The following OCIAD1 variants were observed in gnomAD, a reference collection of about 807,000 sequenced individuals.
The protein encoded by OCIAD1 is OCIA domain-containing protein 1.
A neutral mutation model predicts 38.9 loss-of-function variants in OCIAD1; 29 were observed. That is an observed-to-expected ratio of 0.74 (90% CI 0.55 to 1.02). OCIAD1 has a LOEUF of 1.02. Ranked by LOEUF, OCIAD1 falls within the 50% of genes least tolerant of loss-of-function variation. The pLI, the probability that OCIAD1 is intolerant of heterozygous loss-of-function variation, is 0.00. For missense variants in OCIAD1, 288 were observed against 289.6 expected (o/e 0.99, Z 0.04); for synonymous variants, 110 against 92.0 (o/e 1.20, Z -1.12).
intron 7 of OCIAD1, among the ~76,000 whole-genome samples, chr4:48,855,820 A>G (rs995404598): frequency 3.2e-4 from 49 of 152,118 alleles, no homozygotes; most frequent in South Asian, 2.1e-4. Flanking sequence ...TGTCTCAAAA[A>G]AAAAAAAAAA....
At chr4:48,832,711 G>C (rs1370059694) in intron 2 of OCIAD1, 29 bp downstream of exon 2, 1 of 1,540,382 alleles carries the variant, frequency 6.5e-7, no homozygotes, top group East Asian at 2.2e-5. Flanking sequence ...TTTATAATTA[G>C]AAGCACTTCC....
chr4:48,856,064 C>G (rs1314336441), intron 7 of OCIAD1: 1 of 151,684 alleles, frequency 6.6e-6, no homozygotes, highest in Non-Finnish European at 1.5e-5. Flanking sequence ...TAGTTGTTCA[C>G]TGAATGTTAG....
At chr4:48,822,480 CA>C (rs1777204049) in intron 1 of OCIAD1, among the ~76,000 whole-genome samples, 1 of 152,178 alleles carries the variant, frequency 6.6e-6, no homozygotes, top group South Asian at 2.1e-4. Context: ...AGGACATAGG[CA>C]TGGGCAAAGA....
At chr4:48,821,282 A>G (rs1459266796) in intron 1 of OCIAD1, among the ~76,000 whole-genome samples, 1 of 152,266 alleles carries the variant, frequency 6.6e-6, no homozygotes, top group Non-Finnish European at 1.5e-5. Context: ...TCACATAAAC[A>G]GAACCAATGA....
At chr4:48,820,199 G>T (rs183167698) in intron 1 of OCIAD1, among the ~76,000 whole-genome samples, 93 of 152,242 alleles carry the variant, frequency 6.1e-4, no homozygotes, top group African/African-American at 2.2e-3. Context: ...ATAACAAACA[G>T]TCTCTCAGAC....
At chr4:48,850,183 G>A in intron 6 of OCIAD1, 101 bp downstream of exon 6, 1 of 1,218,912 alleles carries the variant, frequency 8.2e-7, no homozygotes, top group Non-Finnish European at 1.2e-6. Flanking sequence ...AAGGACCACT[G>A]GATACTTGCC....
intron 1 of OCIAD1, among the ~76,000 whole-genome samples, chr4:48,814,865 T>C (rs561381868): frequency 6.6e-6 from 1 of 152,320 alleles, no homozygotes; most frequent in Admixed American, 6.5e-5. Context: ...CTTAGGTTCA[T>C]ATTCATACTG....
At chr4:48,831,917 C>T (rs1446997688) in intron 1 of OCIAD1, among the ~76,000 whole-genome samples, 1 of 152,100 alleles carries the variant, frequency 6.6e-6, no homozygotes, top group Non-Finnish European at 1.5e-5. Context: ...CATGATCCCA[C>T]GTAAACGTTC....
intron 1 of OCIAD1, chr4:48,831,572 T>C (rs902108643): frequency 2.5e-5 from 32 of 1,288,988 alleles, no homozygotes; most frequent in Non-Finnish European, 3.0e-5. Context: ...TAATCCAGCG[T>C]TGTTTTGTGT....
chr4:48,819,939 C>T (rs1360905968), intron 1 of OCIAD1, among the ~76,000 whole-genome samples: 7 of 151,978 alleles, frequency 4.6e-5, no homozygotes, highest in East Asian at 1.9e-4. Flanking sequence ...TGGACTCCCA[C>T]GCAATAATAA....
intron 7 of OCIAD1, among the ~76,000 whole-genome samples, chr4:48,852,882 G>GTTTTTTTGTTTTTTTTTTTT (rs1779635252): frequency 7.1e-5 from 9 of 126,336 alleles, no homozygotes; most frequent in African/African-American, 2.5e-4. Context: ...TTTGTTTTTT[G>GTTTTTTTGTTTTTTTTTTTT]TTTTTTTTTT....
In OCIAD1 at chr4:48,861,298, A is replaced by T. The variant is rs1361682433; in HGVS notation, c.*536A>T. On this transcript the variant is annotated 3_prime_UTR_variant, in exon 9 of 9. Coordinates refer to ENST00000264312, the MANE Select transcript of OCIAD1 (RefSeq NM_017830.4). ...TGGTTTTATTGTTTGTAATTTATTGATTTATTTTTAAGCTAGTTATAATCA... is the reference window on the plus strand; with the variant it reads ...TGGTTTTATTGTTTGTAATTTATTGTTTTATTTTTAAGCTAGTTATAATCA... 6.6e-6 allele frequency: 1 copy of T among 152,322 alleles called. No individual in the cohort carries two copies. The highest frequency in any genetic ancestry group is 1.5e-5 in the Non-Finnish European group (1 of 68,180). The allele number at this position is 152,322 out of a possible 1,614,324, so 9.4% of individuals were successfully genotyped here. A position where few individuals can be genotyped will look rare whatever the true frequency, so the allele number is the denominator to read the frequency against.
rs1226784810 is a variant in OCIAD1 at position 48,831,120 on chromosome 4, T to TC, written c.-134dup. The TC allele has an allele frequency of 3.5e-6, 1 of 283,682 alleles. No individual in the cohort carries two copies. The highest frequency in any genetic ancestry group is 7.1e-6 in the Non-Finnish European group (1 of 141,540). The allele number at this position is 283,682 out of a possible 1,614,324, so 17.6% of individuals were successfully genotyped here. A position where few individuals can be genotyped will look rare whatever the true frequency, so the allele number is the denominator to read the frequency against. ...TGTCTGGATGACTTCTTGCGGCTGT[T>TC]CTACCCCTCCCCCTCCCCGCGGTAC... On this transcript the variant is annotated 5_prime_UTR_variant, in exon 1 of 9. An upstream open reading frame in the 5' UTR loses its in-frame stop. Transcript: ENST00000264312.
upstream of OCIAD1, among the ~76,000 whole-genome samples, chr4:48,830,054 C>G (rs1170783998): frequency 6.6e-6 from 1 of 152,142 alleles, no homozygotes; most frequent in Non-Finnish European, 1.5e-5. Context: ...TAGAGTTGTA[C>G]TGGGGAAACA....
At chr4:48,809,806 C>T (rs556944284) in intron 1 of OCIAD1, among the ~76,000 whole-genome samples, 1 of 152,290 alleles carries the variant, frequency 6.6e-6, no homozygotes, top group Non-Finnish European at 1.5e-5. Context: ...ATCACCTTTC[C>T]CAGAAAGTTT....
intron 1 of OCIAD1, chr4:48,831,658 C>T: frequency 3.8e-6 from 3 of 795,592 alleles, no homozygotes; most frequent in South Asian, 1.4e-5. Flanking sequence ...GGAAGGATGC[C>T]GTTATGGGAA....
intron 1 of OCIAD1, among the ~76,000 whole-genome samples, chr4:48,822,789 A>G (rs1410215833): frequency 1.3e-5 from 2 of 152,272 alleles, no homozygotes; most frequent in East Asian, 3.8e-4. Flanking sequence ...ATATAAAAAA[A>G]TGCTCATCAT....
At position 48,842,632 on chromosome 4, in the gene OCIAD1, A is replaced by G. The variant is rs777274506; in HGVS notation, c.140-4A>G. On this transcript the variant is annotated splice_region_variant and splice_polypyrimidine_tract_variant and intron_variant, in intron 3 of 8. Coordinates refer to ENST00000264312, the MANE Select transcript of OCIAD1 (RefSeq NM_017830.4). ...ATGTTAACAAGGTCTTTTTCTTCCT[A>G]TAGCTGTGCCTTTGGCTGCAACAAG... 1.9e-5 allele frequency: 29 copies of G among 1,566,526 alleles called. No homozygotes were observed. In the South Asian group the frequency reaches 2.5e-4, roughly 14 times the overall value.
intron 5 of OCIAD1, among the ~76,000 whole-genome samples, chr4:48,849,062 G>A (rs1283906777): frequency 2.6e-5 from 4 of 151,988 alleles, no homozygotes; most frequent in Non-Finnish European, 4.4e-5. Flanking sequence ...ACCAAACACC[G>A]CATGTTCTCA....
Sources: allele counts gnomAD v4.1 joint callset (sites outside exome capture counted in the v4.1 genomes callset), GRCh38; gene constraint gnomAD v4.1.1; transcripts MANE v1.5; gene names NCBI Gene and HGNC (gene_info 2026-07-23, HGNC 2026-07-21).